Variants in TAOK2 observed in about 807,000 individuals in gnomAD.
The protein encoded by TAOK2 is serine/threonine-protein kinase TAO2.
TAOK2 carries 42 observed loss-of-function variants against 122.5 expected under a neutral mutation model. That is an observed-to-expected ratio of 0.34 (90% CI 0.27 to 0.44). The LOEUF (loss-of-function observed/expected upper bound fraction) is 0.44. Ranked by LOEUF, TAOK2 falls within the 20% of genes least tolerant of loss-of-function variation. The pLI, the probability that TAOK2 is intolerant of heterozygous loss-of-function variation, is 1.00. For synonymous variants in TAOK2, 704 were observed against 677.6 expected (o/e 1.04, Z -0.61); for missense variants, 1,264 against 1,644.9 (o/e 0.77, Z 4.01).
rs868358019 is a variant in TAOK2 at position 29,982,995 on chromosome 16, C to T, written c.1000-77C>T. 8.7e-6 allele frequency: 14 copies of T among 1,604,942 alleles called. No homozygotes were observed. In the Middle Eastern group the frequency reaches 8.3e-4, roughly 95 times the overall value. On this transcript the variant is annotated intron_variant, in intron 11 of 15. Coordinates refer to ENST00000308893, the MANE Select transcript of TAOK2 (RefSeq NM_016151.4). ...CCTTCCCCAGCCCTACTCACACCAC[C>T]ATCTTCCCATGCTACCTCCATGCAT... is the stretch of plus-strand genomic sequence containing the variant.
chr16:29,983,033 T>C (rs370275176), intron 11 of TAOK2, 39 bp from the exon 12 acceptor site: 4 of 1,611,732 alleles, frequency 2.5e-6, no homozygotes, highest in Non-Finnish European at 3.4e-6. Context: ...GCCCCAGGGC[T>C]TCCCCTTCCC....
rs764209611 is a variant in TAOK2 at position 29,987,612 on chromosome 16, C to G, written c.3340C>G (p.Leu1114Val). The stretch of plus-strand genomic sequence containing the variant: ...TGTGGGGGACCGGGGTCTGTTTGCA[C>G]TGTACCCCAAAACCAACAAGGATGG... ...GAVGDRGLFA[L>V]YPKTNKDGFR... is the part of the protein sequence containing the mutation. The change falls in exon 16 of 16, where the codon CTG (leucine) becomes GTG (valine). Residue 1114 changes from leucine to valine, a missense_variant. This residue lies in a region of TAOK2 where 824 missense variants were observed against 908.7 expected (regional missense o/e 0.91). Transcript: ENST00000308893. The G allele has an allele frequency of 1.3e-5, 21 of 1,612,904 alleles. No homozygotes were observed. The South Asian group carries it at 2.1e-4, about 16-fold the overall frequency.
intron 1 of TAOK2, among the ~76,000 whole-genome samples, chr16:29,976,398 G>A (rs2069455984): frequency 6.6e-6 from 1 of 152,184 alleles, no homozygotes; most frequent in African/African-American, 2.4e-5. Context: ...CTCCCTCCTT[G>A]CCCTCCAGCT....
Position 29,983,616 on chromosome 16 carries a change from C to T in TAOK2, c.1374C>T (p.Ala458=). ...TSTTSSARRR[A]YCRNRDHFAT... ...CCACCTCTTCCGCCCGCCGCCGGGC[C>T]TACTGCCGTAACCGAGACCACTTTG... The change falls in exon 13 of 16, where the codon GCC becomes GCT. Residue 458 remains alanine (A), a synonymous_variant. Coordinates refer to ENST00000308893, the MANE Select transcript of TAOK2 (RefSeq NM_016151.4). The T allele has an allele frequency of 1.2e-6, 2 of 1,613,726 alleles. No homozygotes were observed. The highest frequency in any genetic ancestry group is 1.3e-5 in the African/African-American group (1 of 75,062).
chr16:29,979,536 C>T lies in TAOK2; in HGVS notation c.655+28C>T. The T allele has an allele frequency of 6.8e-7, 1 of 1,468,358 alleles. No individual in the cohort carries two copies. The highest frequency in any genetic ancestry group is 1.4e-5 in the South Asian group (1 of 70,690). The allele number at this position is 1,468,358 out of a possible 1,614,324, so 91.0% of individuals were successfully genotyped here. ...AAGAACATCCTCCCTGTTCCCTCAT[C>T]ATCTTTTCCATTCTTTCCTGTTAGT... On this transcript the variant is annotated intron_variant, in intron 8 of 15. Coordinates refer to ENST00000308893, the MANE Select transcript of TAOK2 (RefSeq NM_016151.4). This position sits in a 1 kb window ranked among gnomAD's most constrained non-coding sequence, Gnocchi z 4.1.
rs1394353002 is a variant in TAOK2, at chr16:29,986,369, G to C, written c.2097G>C (p.Gln699His). The change falls in exon 16 of 16, where the codon CAG becomes CAC. Residue 699 changes from glutamine (Q) to histidine (H), a missense_variant. By Grantham distance (24) the Gln-to-His change is conservative (BLOSUM62 0). Transcript: ENST00000308893. The surrounding 1 kb of genome is among the most constrained non-coding windows in gnomAD (Gnocchi z 4.2). Reference protein sequence around the residue: ...ELELRQLQAVQRTRAELTRLQ... With the variant: ...ELELRQLQAVHRTRAELTRLQ... ...AGCTGCGGCAGCTCCAGGCCGTGCAGCGCACGCGGGCTGAGCTCACCCGCC... is the reference window on the plus strand; with the variant it reads ...AGCTGCGGCAGCTCCAGGCCGTGCACCGCACGCGGGCTGAGCTCACCCGCC... 1 of 1,605,766 alleles carries C rather than the reference G, an allele frequency of 6.2e-7. No individual in the cohort carries two copies. The highest frequency in any genetic ancestry group is 8.5e-7 in the Non-Finnish European group (1 of 1,175,486).
chr16:29,983,329 G>C lies in TAOK2; in HGVS notation c.1257G>C (p.Leu419=). ...VTSHSSIIHR[L]PGSDNLYDDP... is the part of the protein sequence containing the mutation. ...CTCACAGCTCCATTATCCACCGGCT[G>C]CCGGTACACAGCTCACCCTTGGGGG... Residue 419 remains leucine, a synonymous_variant, in exon 12 of 16, where the codon CTG becomes CTC. Coordinates refer to ENST00000308893, the MANE Select transcript of TAOK2 (RefSeq NM_016151.4). 6.3e-7 allele frequency: 1 copy of C among 1,595,500 alleles called. No homozygotes were observed.
intron 4 of TAOK2, 98 bp from the exon 5 acceptor site, chr16:29,978,701 A>C: frequency 2.9e-6 from 4 of 1,384,172 alleles, no homozygotes; most frequent in Non-Finnish European, 4.1e-6. Context: ...CCCTGTCATC[A>C]CCCCGGGGAC....
At chr16:29,991,346 A>G, downstream of TAOK2, 1 of 1,596,928 alleles carries the variant, frequency 6.3e-7, no homozygotes, top group South Asian at 1.1e-5. The surrounding 1 kb of genome is among the most constrained non-coding windows in gnomAD (Gnocchi z 5.6). Context: ...TGGCTCCCCC[A>G]GGCCCCCCAA....
chr16:29,991,010 C>T, downstream of TAOK2: 1 of 1,586,030 alleles, frequency 6.3e-7, no homozygotes, highest in Non-Finnish European at 8.6e-7. The surrounding 1 kb of genome is among the most constrained non-coding windows in gnomAD (Gnocchi z 5.6). Flanking sequence ...GGGTGGGCTC[C>T]TGCCCCCGAC....
In TAOK2 at chr16:29,988,287, T is replaced by G; in HGVS notation, c.*307T>G. On this transcript the variant is annotated 3_prime_UTR_variant, in exon 16 of 16. Coordinates refer to ENST00000308893, the MANE Select transcript of TAOK2 (RefSeq NM_016151.4). ...GTGGTGGAGGGTGGGAAGAGTCATG[T>G]TTTTTTTCTCCTCTTTGATTTTGTT... The G allele has an allele frequency of 1.4e-6, 2 of 1,458,410 alleles. No individual in the cohort carries two copies. The highest frequency in any genetic ancestry group is 9.1e-7 in the Non-Finnish European group (1 of 1,103,172). 90.3% of individuals were successfully genotyped at this position (1,458,410 alleles called of 1,614,324 possible).
rs746405938 is a variant in TAOK2 at position 29,987,080 on chromosome 16, G to A, written c.2808G>A (p.Arg936=). 3 of 1,613,354 alleles carry A rather than the reference G, an allele frequency of 1.9e-6. No individual in the cohort carries two copies. The highest frequency in any genetic ancestry group is 1.7e-6 in the Non-Finnish European group (2 of 1,179,510). ...IPPEPPPTHL[R]PCPASQLPGL... The stretch of plus-strand genomic sequence containing the variant: ...CTGAACCCCCTCCAACACACCTGAG[G>A]CCCTGCCCTGCCAGCCAGCTCCCTG... The change falls in exon 16 of 16, where the codon AGG becomes AGA. Residue 936 remains arginine (R), a synonymous_variant. Coordinates refer to ENST00000308893, the MANE Select transcript of TAOK2 (RefSeq NM_016151.4).
rs200753196 is a variant in TAOK2 at position 29,978,136 on chromosome 16, C to T, written c.180C>T (p.Ser60=). Residue 60 remains serine, a synonymous_variant, in exon 3 of 16, where the codon TCC becomes TCT. Transcript: ENST00000308893. The part of the protein sequence containing the change: ...NSEVVAIKKM[S]YSGKQSNEKW... ...AGGTGGTGGCCATCAAGAAGATGTC[C>T]TACAGTGGGAAGCAGTCCAATGAGG... is the stretch of plus-strand genomic sequence containing the variant. The T allele has an allele frequency of 1.7e-4, 275 of 1,613,972 alleles. No homozygotes were observed. Among genetic ancestry groups the T allele is most frequent in the Non-Finnish European group, 2.2e-4 (259 of 1,180,014 alleles).
chr16:29,990,777 TC>T, downstream of TAOK2: 1 of 1,599,726 alleles, frequency 6.3e-7, no homozygotes, highest in Non-Finnish European at 8.5e-7. Flanking sequence ...TTGTTCATCT[TC>T]CCCAGCTGCG....
chr16:29,989,102 G>A (rs1001923831), downstream of TAOK2: 16 of 985,190 alleles, frequency 1.6e-5, no homozygotes, highest in Non-Finnish European at 1.9e-5. Context: ...GTCCTTAGTC[G>A]TGTTGCTTTC....
Position 29,986,129 on chromosome 16 carries a change from C to G in TAOK2, c.1993-136C>G, listed in dbSNP as rs1002764337. 2.9e-6 allele frequency: 4 copies of G among 1,364,714 alleles called. No individual in the cohort carries two copies. In the Admixed American group the frequency reaches 9.3e-5, roughly 32 times the overall value. The allele number at this position is 1,364,714 out of a possible 1,614,324, so 84.5% of individuals were successfully genotyped here. On this transcript the variant is annotated intron_variant, in intron 15 of 15. Transcript: ENST00000308893. The surrounding 1 kb of genome is among the most constrained non-coding windows in gnomAD (Gnocchi z 4.2). The stretch of plus-strand genomic sequence containing the variant: ...TCCCTCTGCCAAGGAGCCCTGGCCC[C>G]TCACTTCCTTGATACTGACCAGGCC...
chr16:29,978,379 G>T (rs772474827), intron 4 of TAOK2, 26 bp downstream of exon 4: 2 of 1,606,906 alleles, frequency 1.2e-6, no homozygotes, highest in South Asian at 2.2e-5. Flanking sequence ...ATTCTGGCCT[G>T]ATCTTTACTC....
At position 29,983,492 on chromosome 16, in the gene TAOK2, T is replaced by C; in HGVS notation, c.1261-11T>C. ...CTCTGAGCCTTGGGTGTTCCTTCTATCTCCCTCTAGGGCTCTGACAACCTA... is the reference window on the plus strand; with the variant it reads ...CTCTGAGCCTTGGGTGTTCCTTCTACCTCCCTCTAGGGCTCTGACAACCTA... On this transcript the variant is annotated splice_polypyrimidine_tract_variant and intron_variant, in intron 12 of 15. Coordinates refer to ENST00000308893, the MANE Select transcript of TAOK2 (RefSeq NM_016151.4). 6.3e-7 allele frequency: 1 copy of C among 1,598,978 alleles called. No individual in the cohort carries two copies. The highest frequency in any genetic ancestry group is 8.6e-7 in the Non-Finnish European group (1 of 1,169,232).
At chr16:29,991,015 C>G (rs374565814), downstream of TAOK2, 15 of 1,585,546 alleles carry the variant, frequency 9.5e-6, no homozygotes, top group Non-Finnish European at 1.3e-5. This position sits in a 1 kb window ranked among gnomAD's most constrained non-coding sequence, Gnocchi z 5.6. Flanking sequence ...GGCTCCTGCC[C>G]CCGACTCTAA....
Sources: allele counts gnomAD v4.1 joint callset (sites outside exome capture counted in the v4.1 genomes callset), GRCh38; gene constraint gnomAD v4.1.1; regional missense constraint gnomAD v4.1.1; non-coding constraint Gnocchi (gnomAD v3.1); transcripts MANE v1.5; gene names NCBI Gene and HGNC (gene_info 2026-07-23, HGNC 2026-07-21).